EMC2: variants seen among roughly 807,000 people sequenced by gnomAD.
EMC2 encodes ER membrane protein complex subunit 2.
Under a neutral mutation model 51.6 loss-of-function variants are expected in EMC2, and 37 were observed. The observed-to-expected ratio is 0.72, with a 90% CI of 0.55 to 0.94. The LOEUF is 0.94. Among genes scored for constraint, EMC2 ranks in the 40% least tolerant of loss-of-function variants. EMC2 has a pLI of 0.00. For synonymous variants in EMC2, 131 were observed against 112.4 expected, an observed-to-expected ratio of 1.17 and a Z score of -1.04; for missense variants, 359 against 350.9, an observed-to-expected ratio of 1.02 and a Z score of -0.18.
chr8:108,487,098 A>G lies in EMC2; in HGVS notation c.*500A>G, dbSNP rs948725695. Among the ~76,000 whole-genome samples, 2 of 151,992 alleles carry G rather than the reference A, an allele frequency of 1.3e-5. No homozygotes were observed. The highest frequency in any genetic ancestry group is 1.9e-4 in the East Asian group (1 of 5,184). On this transcript the variant is annotated 3_prime_UTR_variant, in exon 11 of 11. Transcript: ENST00000220853. ...ATTTTGCTGTACATTCCAGTGGGCTATTTGAATTGTTTTATCTGCTGTAAT... is the reference window on the plus strand; with the variant it reads ...ATTTTGCTGTACATTCCAGTGGGCTGTTTGAATTGTTTTATCTGCTGTAAT...
intron 10 of EMC2, among the ~76,000 whole-genome samples, chr8:108,485,289 T>G (rs1432426179): frequency 1.3e-5 from 2 of 151,390 alleles, no homozygotes; most frequent in Non-Finnish European, 3.0e-5. Context: ...GCATTGTTAC[T>G]TGAAGAAATG....
intron 9 of EMC2, among the ~76,000 whole-genome samples, 185 bp from the exon 10 acceptor site, chr8:108,478,821 C>G (rs1470252108): frequency 1.3e-5 from 2 of 151,584 alleles, no homozygotes; most frequent in Non-Finnish European, 2.9e-5. Flanking sequence ...TGGATTTATA[C>G]TATATTTTAA....
chr8:108,444,115 T>A (rs1055479419), intron 1 of EMC2, among the ~76,000 whole-genome samples: 1 of 152,248 alleles, frequency 6.6e-6, no homozygotes, highest in Non-Finnish European at 1.5e-5. Context: ...GTGTAAGGAT[T>A]ACAGCTCTGT....
Position 108,486,765 on chromosome 8 carries a change from G to A in EMC2, c.*167G>A. 1 of 590,894 alleles carries A rather than the reference G, an allele frequency of 1.7e-6. No individual in the cohort carries two copies. Among genetic ancestry groups the A allele is most frequent in the Non-Finnish European group, 2.7e-6 (1 of 375,682 alleles). 36.6% of individuals were successfully genotyped at this position (590,894 alleles called of 1,614,324 possible). ...TATAAACCTAAAAATGCCTTTTACT[G>A]CTAAGTGGGGAGATGGGGGAAATCC... On this transcript the variant is annotated 3_prime_UTR_variant, in exon 11 of 11. Coordinates refer to ENST00000220853, the MANE Select transcript of EMC2 (RefSeq NM_014673.5).
intron 5 of EMC2, among the ~76,000 whole-genome samples, chr8:108,456,225 C>T (rs985621641): frequency 1.1e-4 from 17 of 150,714 alleles, no homozygotes; most frequent in African/African-American, 4.1e-4. Context: ...CCCACCTACT[C>T]AGGAGGCTGA....
chr8:108,473,672 C>CA (rs35018949), intron 7 of EMC2, among the ~76,000 whole-genome samples: 103,422 of 151,374 alleles, frequency 0.68, 35,870 homozygotes, highest in African/African-American at 0.81. Context: ...AATTCCATAT[C>CA]AACGGAATTA....
chr8:108,486,143 G>T (rs1270861265), intron 10 of EMC2, among the ~76,000 whole-genome samples: 1 of 151,824 alleles, frequency 6.6e-6, no homozygotes, highest in Admixed American at 6.6e-5. Context: ...AGTGGAAGTG[G>T]TTCACACTGC....
Position 108,465,240 on chromosome 8 carries a change from G to GTA in EMC2, c.364-4578_364-4577dup, listed in dbSNP as rs571240399. 5.3e-3 allele frequency among the ~76,000 whole-genome samples: 810 copies of GTA among 152,246 alleles called. 5 individuals carry two copies. The highest frequency in any genetic ancestry group is 0.018 in the African/African-American group (755 of 41,534). ...TTTCCGTTTATTGTTTGGCACTAGT[G>GTA]TATATATATCTTTAGTTGGGAAAAT... On this transcript the variant is annotated intron_variant, in intron 5 of 10. Transcript: ENST00000220853.
At chr8:108,459,785 C>A (rs1160621425) in intron 5 of EMC2, among the ~76,000 whole-genome samples, 1 of 150,528 alleles carries the variant, frequency 6.6e-6, no homozygotes, top group African/African-American at 2.5e-5. Context: ...TGAGAACTTT[C>A]ATTATTTTGT....
At position 108,449,848 on chromosome 8, in the gene EMC2, G is replaced by A. The variant is rs758083286; in HGVS notation, c.66G>A (p.Trp22Ter). 1 of 1,568,704 alleles carries A rather than the reference G, an allele frequency of 6.4e-7. No individual in the cohort carries two copies. The highest frequency in any genetic ancestry group is 8.8e-7 in the Non-Finnish European group (1 of 1,140,778). Reference sequence around the variant, plus strand: ...AAATGAGAGATAAAATGAGAAAATGGAGAGAAGAAAACTCAAGAAATAGTG... The same window carrying A: ...AAATGAGAGATAAAATGAGAAAATGAAGAGAAGAAAACTCAAGAAATAGTG... ...WEEMRDKMRK[W>*]REENSRNSEQ... The change falls in exon 2 of 11, where the codon TGG becomes TGA. Residue 22 changes from tryptophan to a stop codon, truncating the protein, a stop_gained. Coordinates refer to ENST00000220853, the MANE Select transcript of EMC2 (RefSeq NM_014673.5). LOFTEE classifies it high-confidence loss of function.
At chr8:108,485,432 T>C (rs1029864265) in intron 10 of EMC2, among the ~76,000 whole-genome samples, 2 of 145,322 alleles carry the variant, frequency 1.4e-5, no homozygotes, top group African/African-American at 2.5e-5. Context: ...AATATATACA[T>C]AATATATAAT....
At position 108,488,072 on chromosome 8, in the gene EMC2, C is replaced by T. The variant is rs1414386264; in HGVS notation, c.*1474C>T. Among the ~76,000 whole-genome samples the T allele has an allele frequency of 6.6e-6, 1 of 152,134 alleles. No individual in the cohort carries two copies. Among genetic ancestry groups the T allele is most frequent in the African/African-American group, 2.4e-5 (1 of 41,418 alleles). ...CACTACCTTTTCCCCTTCAAACCTC[C>T]TCCCCGTCAGTCACTGGATTAGTGT... is the stretch of plus-strand genomic sequence containing the variant. On this transcript the variant is annotated 3_prime_UTR_variant, in exon 11 of 11. Coordinates refer to ENST00000220853, the MANE Select transcript of EMC2 (RefSeq NM_014673.5).
Position 108,449,889 on chromosome 8 carries a change from T to G in EMC2, c.107T>G (p.Val36Gly). The G allele has an allele frequency of 4.4e-6, 7 of 1,596,554 alleles. No individual in the cohort carries two copies. Among genetic ancestry groups the G allele is most frequent in the Non-Finnish European group, 6.0e-6 (7 of 1,165,318 alleles). The change falls in exon 2 of 11, where the codon GTT becomes GGT. Residue 36 changes from valine (V) to glycine (G), a missense_variant. Transcript: ENST00000220853. ...AGAAATAGTGAGCAAATTGTGGAAG[T>G]TGGAGAAGAATTAATTAATGAATAT... Reference protein sequence around the residue: ...NSRNSEQIVEVGEELINEYAS... With the variant: ...NSRNSEQIVEGGEELINEYAS...
At chr8:108,459,758 G>A (rs984894879) in intron 5 of EMC2, among the ~76,000 whole-genome samples, 53 of 150,820 alleles carry the variant, frequency 3.5e-4, no homozygotes, top group African/African-American at 1.3e-3. Flanking sequence ...GTGTGTGATT[G>A]TTTTGTTCTA....
chr8:108,469,283 T>C (rs531101552), intron 5 of EMC2, among the ~76,000 whole-genome samples: 2 of 152,318 alleles, frequency 1.3e-5, no homozygotes, highest in South Asian at 2.1e-4. Flanking sequence ...TTTTAAAAAC[T>C]TTAGAATACA....
At chr8:108,459,504 T>C (rs1317853426) in intron 5 of EMC2, among the ~76,000 whole-genome samples, 2 of 152,158 alleles carry the variant, frequency 1.3e-5, no homozygotes, top group African/African-American at 4.8e-5. Context: ...GATGACAGCA[T>C]GCAAAGAGAG....
intron 1 of EMC2, among the ~76,000 whole-genome samples, chr8:108,444,356 G>T (rs1224970670): frequency 6.6e-6 from 1 of 152,148 alleles, no homozygotes; most frequent in Non-Finnish European, 1.5e-5. Context: ...CTACGTAAGT[G>T]CTTACGTGTG....
At chr8:108,484,429 G>C (rs996141203) in intron 10 of EMC2, among the ~76,000 whole-genome samples, 1 of 151,940 alleles carries the variant, frequency 6.6e-6, no homozygotes. Context: ...ATTCTAAATT[G>C]CACTGGTTGT....
intron 1 of EMC2, 143 bp downstream of exon 1, chr8:108,443,841 G>C (rs1818811246): frequency 1.4e-6 from 1 of 695,378 alleles, no homozygotes; most frequent in Non-Finnish European, 2.5e-6. Flanking sequence ...TGAGGTGGAG[G>C]CTGAGGCTGA....
Sources: allele counts gnomAD v4.1 joint callset (sites outside exome capture counted in the v4.1 genomes callset), GRCh38; gene constraint gnomAD v4.1.1; transcripts MANE v1.5; gene names NCBI Gene and HGNC (gene_info 2026-07-23, HGNC 2026-07-21).